Variants in LCP2 observed in about 807,000 individuals in gnomAD.
LCP2 encodes 76 kDa tyrosine phosphoprotein.
LCP2 carries 29 observed loss-of-function variants against 74.5 expected under a neutral mutation model. That is an observed-to-expected ratio of 0.39 (90% confidence interval 0.29 to 0.53). LCP2 has a LOEUF of 0.53. LCP2 is among the 20% of genes least tolerant of loss of function. The probability of loss-of-function intolerance (pLI) is 0.72; values close to 1 mark genes in which losing one functional copy is unlikely to be tolerated. For missense variants in LCP2, 604 were observed against 634.6 expected (o/e 0.95, Z 0.52); for synonymous variants, 228 against 229.5 (o/e 0.99, Z 0.06).
At chr5:170,253,264 C>G in intron 17 of LCP2, 51 bp from the exon 18 acceptor site, 1 of 1,303,704 alleles carries the variant, frequency 7.7e-7, no homozygotes, top group South Asian at 1.3e-5. Context: ...CTATTGTTTG[C>G]TGCTATCAAA....
chr5:170,272,207 A>G (rs1761907541), intron 6 of LCP2, among the ~76,000 whole-genome samples: 1 of 152,124 alleles, frequency 6.6e-6, no homozygotes, highest in Non-Finnish European at 1.5e-5. Context: ...TACCCCATCA[A>G]CCTTTCTCAA....
intron 1 of LCP2, among the ~76,000 whole-genome samples, chr5:170,296,002 A>G (rs920229871): frequency 3.9e-5 from 6 of 152,096 alleles, no homozygotes; most frequent in African/African-American, 1.4e-4. Context: ...CTGTTGCTCA[A>G]TTGGATTGTA....
At chr5:170,262,774 A>G (rs1184178115) in intron 12 of LCP2, 32 bp from the exon 13 acceptor site, 1 of 1,613,642 alleles carries the variant, frequency 6.2e-7, no homozygotes, top group South Asian at 1.1e-5. Flanking sequence ...TGTGTAAGAA[A>G]CAAACTTTGC....
At chr5:170,252,407 A>G (rs1057089830) in intron 19 of LCP2, 27 bp downstream of exon 19, 2 of 1,301,246 alleles carry the variant, frequency 1.5e-6, no homozygotes, top group Admixed American at 3.7e-5. Flanking sequence ...ATTTACAACT[A>G]TGTTAAAATA....
chr5:170,270,816 G>C lies in LCP2; in HGVS notation c.426C>G (p.Asp142Glu). ...TGGAGGGTGGCGGCTCATAATCCGC[G>C]TCATCTTCCACGGGTGCCTCTTCCT... The part of the protein sequence containing the change: ...NEEEEAPVED[D>E]ADYEPPPSND... Residue 142 changes from aspartate to glutamate, a missense_variant, in exon 7 of 21, where the codon GAC becomes GAG. Asp to Glu is a conservative substitution (Grantham distance 45). Transcript: ENST00000046794. The C allele has an allele frequency of 2.5e-6, 4 of 1,612,016 alleles. No individual in the cohort carries two copies. Among genetic ancestry groups the C allele is most frequent in the Non-Finnish European group, 3.4e-6 (4 of 1,179,020 alleles).
Position 170,248,757 on chromosome 5 carries a change from A to G in LCP2, c.1542T>C (p.Asp514=), listed in dbSNP as rs776029437. 1.4e-5 allele frequency: 22 copies of G among 1,610,016 alleles called. No homozygotes were observed. In the Admixed American group the frequency reaches 3.7e-4, roughly 27 times the overall value. ...YFRKMPLLLI[D]GKNRGSRYQC... Reference sequence around the variant, plus strand: ...GGTATCTGGAACCTCGGTTTTTCCCATCAATGAGCAGAAGTGGCATTTTCC... The same window carrying G: ...GGTATCTGGAACCTCGGTTTTTCCCGTCAATGAGCAGAAGTGGCATTTTCC... The change falls in exon 21 of 21, where the codon GAT becomes GAC. Residue 514 remains aspartate, a synonymous_variant. Coordinates refer to ENST00000046794, the MANE Select transcript of LCP2 (RefSeq NM_005565.5).
chr5:170,247,067 A>G lies in LCP2; in HGVS notation c.*1630T>C, dbSNP rs1761315644. The G allele has an allele frequency of 6.6e-6, 1 of 152,200 alleles. No homozygotes were observed. Among genetic ancestry groups the G allele is most frequent in the South Asian group, 2.1e-4 (1 of 4,832 alleles). 9.4% of individuals were successfully genotyped at this position (152,200 alleles called of 1,614,324 possible). On this transcript the variant is annotated 3_prime_UTR_variant, in exon 21 of 21. Coordinates refer to ENST00000046794, the MANE Select transcript of LCP2 (RefSeq NM_005565.5). ...TTTTAGATATTTTTGAATTGTAAAG[A>G]TAGAATACGGCAAAGCAAGACAAGT... is the stretch of plus-strand genomic sequence containing the variant.
intron 3 of LCP2, among the ~76,000 whole-genome samples, chr5:170,278,822 G>A (rs995354945): frequency 1.3e-5 from 2 of 152,160 alleles, no homozygotes; most frequent in African/African-American, 2.4e-5. Flanking sequence ...GCAGCAAAGA[G>A]CTGAGTGGGG....
rs915991919 is a variant in LCP2 at position 170,258,055 on chromosome 5, G to A, written c.1082C>T (p.Pro361Leu). The A allele has an allele frequency of 5.6e-6, 9 of 1,613,838 alleles. No homozygotes were observed. In the African/African-American group the frequency reaches 6.7e-5, roughly 12 times the overall value. ...TACAAACCTTTCTGAGAATGCTCCA[G>A]GCATGTGAGAGGATGGGAGAGGGTT... is the stretch of plus-strand genomic sequence containing the variant. ...PMNPLPSSHM[P>L]GAFSESNSSF... The change falls in exon 16 of 21, where the codon CCT becomes CTT. Residue 361 changes from proline to leucine, a missense_variant. Pro to Leu is a moderately conservative substitution (Grantham distance 98). Coordinates refer to ENST00000046794, the MANE Select transcript of LCP2 (RefSeq NM_005565.5).
intron 5 of LCP2, 68 bp from the exon 6 acceptor site, chr5:170,274,406 G>A (rs1055672600): frequency 1.3e-6 from 2 of 1,515,534 alleles, no homozygotes; most frequent in Non-Finnish European, 1.8e-6. Context: ...AGTCAAAGCA[G>A]CTTCCCCATC....
chr5:170,250,679 G>C, intron 20 of LCP2, 51 bp downstream of exon 20: 1 of 1,447,496 alleles, frequency 6.9e-7, no homozygotes, highest in Non-Finnish European at 9.7e-7. Context: ...AAGGCATGCA[G>C]AGTGGCATAA....
chr5:170,279,911 G>C (rs1241266923), intron 3 of LCP2, among the ~76,000 whole-genome samples: 1 of 151,736 alleles, frequency 6.6e-6, no homozygotes, highest in Non-Finnish European at 1.5e-5. Flanking sequence ...GATGACACAA[G>C]AGGAAAGAAA....
intron 1 of LCP2, among the ~76,000 whole-genome samples, chr5:170,295,294 C>G (rs906303177): frequency 2.6e-5 from 4 of 152,220 alleles, no homozygotes; most frequent in African/African-American, 9.6e-5. Context: ...ACGCAAAGTC[C>G]CACCAGTCTG....
chr5:170,260,348 TG>T (rs1761630429), intron 14 of LCP2, among the ~76,000 whole-genome samples: 1 of 152,192 alleles, frequency 6.6e-6, no homozygotes, highest in Admixed American at 6.5e-5. Flanking sequence ...CAGGCGCTTT[TG>T]GGCTGAGCCC....
intron 20 of LCP2, among the ~76,000 whole-genome samples, 165 bp downstream of exon 20, chr5:170,250,565 G>C (rs1761412718): frequency 6.6e-6 from 1 of 152,186 alleles, no homozygotes; most frequent in Non-Finnish European, 1.5e-5. Context: ...AGTAACCATT[G>C]TAAAGATTTT....
chr5:170,289,665 CTT>C (rs776720322), intron 2 of LCP2, among the ~76,000 whole-genome samples: 3,912 of 108,076 alleles, frequency 0.036, 58 homozygotes, highest in East Asian at 0.085. Context: ...TTCTTTCTTT[CTT>C]TCTTTCTCTC....
chr5:170,262,601 T>G (rs746259376), intron 13 of LCP2, 34 bp downstream of exon 13: 1 of 1,527,666 alleles, frequency 6.5e-7, no homozygotes, highest in Non-Finnish European at 9.0e-7. Flanking sequence ...CCGGCCACTG[T>G]GAGTGACAAG....
chr5:170,270,480 T>G (rs908872546), intron 7 of LCP2: 1 of 464,580 alleles, frequency 2.2e-6, no homozygotes, highest in East Asian at 3.9e-5. Context: ...GTCTTAGTAG[T>G]CCTCACAGGA....
chr5:170,275,830 G>C lies in LCP2; in HGVS notation c.219C>G (p.Asn73Lys). 1 of 1,579,266 alleles carries C rather than the reference G, an allele frequency of 6.3e-7. No individual in the cohort carries two copies. The highest frequency in any genetic ancestry group is 8.6e-7 in the Non-Finnish European group (1 of 1,160,050). ...AGATGCTCCTCCTCTCTTCGTTCTT[G>C]TTGATTTCCTGACTTAACTTACTGA... ...PILSKLSQEINKNEERRSIFT... is the reference protein window; with the variant it reads ...PILSKLSQEIKKNEERRSIFT... The change falls in exon 4 of 21, where the codon AAC becomes AAG. Residue 73 changes from asparagine (N) to lysine (K), a missense_variant. Transcript: ENST00000046794.
Sources: gnomAD v4.1 joint callset for allele counts (sites outside exome capture counted in the v4.1 genomes callset) on GRCh38, gnomAD v4.1.1 for gene constraint, MANE v1.5 for transcripts, NCBI Gene and HGNC (gene_info 2026-07-23, HGNC 2026-07-21) for gene names.